TRAIP: variants seen among roughly 807,000 people sequenced by gnomAD.
TRAIP encodes the protein E3 ubiquitin-protein ligase TRAIP.
TRAIP carries 37 observed loss-of-function variants against 65.0 expected under a neutral mutation model. That is an observed-to-expected ratio of 0.57 (90% CI 0.44 to 0.75). The LOEUF (loss-of-function observed/expected upper bound fraction) is 0.75, where lower values mean the gene tolerates loss of function less well. Among genes scored for constraint, TRAIP ranks in the 30% least tolerant of loss-of-function variants. The probability of loss-of-function intolerance (pLI) is 0.00; values close to 1 mark genes in which losing one functional copy is unlikely to be tolerated. For missense variants in TRAIP, 481 were observed against 579.4 expected, an observed-to-expected ratio of 0.83 and a Z score of 1.74; for synonymous variants, 187 against 219.1, an observed-to-expected ratio of 0.85 and a Z score of 1.29.
chr3:49,854,129 C>A (rs957623477), intron 1 of TRAIP, among the ~76,000 whole-genome samples: 2 of 152,128 alleles, frequency 1.3e-5, no homozygotes, highest in Admixed American at 6.5e-5. Flanking sequence ...GAGTTTCAAA[C>A]CAGCCTGGGC....
chr3:49,856,323 C>CAA, intron 1 of TRAIP, 33 bp downstream of exon 1: 1 of 1,593,088 alleles, frequency 6.3e-7, no homozygotes, highest in East Asian at 2.2e-5. Flanking sequence ...GGTACCCGGG[C>CAA]AAACACCGGG....
At chr3:49,838,146 G>A (rs2081804593) in intron 10 of TRAIP, among the ~76,000 whole-genome samples, 1 of 152,172 alleles carries the variant, frequency 6.6e-6, no homozygotes, top group African/African-American at 2.4e-5. Flanking sequence ...GAGATTACAG[G>A]TATGAGTCAA....
Position 49,831,902 on chromosome 3 carries a change from C to T in TRAIP, c.1037+14G>A, listed in dbSNP as rs368644763. 9.7e-6 allele frequency: 15 copies of T among 1,544,244 alleles called. No homozygotes were observed. The highest frequency in any genetic ancestry group is 8.3e-5 in the African/African-American group (6 of 72,624). ...CCTACCAGCCCATGGACAGTGCCAG[C>T]GACTATCACTCACTGTGACTTCTCT... On this transcript the variant is annotated intron_variant, in intron 11 of 14. Coordinates refer to ENST00000331456, the MANE Select transcript of TRAIP (RefSeq NM_005879.3).
Position 49,856,403 on chromosome 3 carries a change from G to C in TRAIP, c.51C>G (p.Ser17=). 6.2e-7 allele frequency: 1 copy of C among 1,614,196 alleles called. No individual in the cohort carries two copies. The highest frequency in any genetic ancestry group is 8.5e-7 in the Non-Finnish European group (1 of 1,180,034). The change falls in exon 1 of 15, where the codon TCC becomes TCG. Residue 17 remains serine (S), a synonymous_variant. Coordinates refer to ENST00000331456, the MANE Select transcript of TRAIP (RefSeq NM_005879.3). ...CTICSDFFDH[S]RDVAAIHCGH... is the part of the protein sequence containing the mutation. ...CGCAGTGGATGGCGGCCACGTCGCG[G>C]GAGTGATCGAAGAAGTCGGAGCAGA...
rs189821980 is a variant in TRAIP at position 49,842,417 on chromosome 3, G to T, written c.503+36C>A. On this transcript the variant is annotated intron_variant, in intron 6 of 14. Transcript: ENST00000331456. ...ACTGTACCACTTGCAGGCCCTGGGGGCAAAGGCACAGTGCAGGACCCAGCT... is the reference window on the plus strand; with the variant it reads ...ACTGTACCACTTGCAGGCCCTGGGGTCAAAGGCACAGTGCAGGACCCAGCT... 6.2e-6 allele frequency: 10 copies of T among 1,600,754 alleles called. No homozygotes were observed. In the Admixed American group the frequency reaches 1.7e-4, roughly 27 times the overall value.
chr3:49,828,811 GAAAGA>G lies in TRAIP; in HGVS notation c.*287_*291del, dbSNP rs1055365206. 19 of 360,794 alleles carry G rather than the reference GAAAGA, an allele frequency of 5.3e-5. No homozygotes were observed. The highest frequency in any genetic ancestry group is 9.7e-5 in the Non-Finnish European group (18 of 185,936). 22.3% of individuals were successfully genotyped at this position (360,794 alleles called of 1,614,324 possible). On this transcript the variant is annotated 3_prime_UTR_variant, in exon 15 of 15. Transcript: ENST00000331456. Reference sequence around the variant, plus strand: ...CAAGTGACCGTGGTCTCCAGGCCCAGAAAGAGTCTGACCACATCTGATCATGGCTA... The same window carrying G: ...CAAGTGACCGTGGTCTCCAGGCCCAGGTCTGACCACATCTGATCATGGCTA...
intron 2 of TRAIP, 74 bp from the exon 3 acceptor site, chr3:49,847,682 G>T: frequency 2.0e-6 from 2 of 1,003,454 alleles, no homozygotes; most frequent in Non-Finnish European, 1.5e-6. Flanking sequence ...TTGTACATGG[G>T]TCTGACTACC....
rs1216358927 is a variant in TRAIP at position 49,829,769 on chromosome 3, G to A, written c.1087-3C>T. On this transcript the variant is annotated splice_polypyrimidine_tract_variant and splice_region_variant and intron_variant, in intron 12 of 14. Transcript: ENST00000331456. ...CCACCCAGTGAGAGCTGGGACTCCT[G>A]CAGGGAAGACCCCAGGGCCAGACTT... 9 of 1,613,970 alleles carry A rather than the reference G, an allele frequency of 5.6e-6. No individual in the cohort carries two copies. The highest frequency in any genetic ancestry group is 1.6e-4 in the Middle Eastern group (1 of 6,062).
rs144625778 is a variant in TRAIP at position 49,850,272 on chromosome 3, G to A, written c.99-2072C>T. Reference sequence around the variant, plus strand: ...TCCCAGCACTTTGGGAGGTCGAGGCGGGTGGATCATCAGGTCAGAAGTTTG... The same window carrying A: ...TCCCAGCACTTTGGGAGGTCGAGGCAGGTGGATCATCAGGTCAGAAGTTTG... On this transcript the variant is annotated intron_variant, in intron 1 of 14. Coordinates refer to ENST00000331456, the MANE Select transcript of TRAIP (RefSeq NM_005879.3). 5.0e-3 allele frequency among the ~76,000 whole-genome samples: 761 copies of A among 152,132 alleles called. 8 individuals are homozygous for A. The highest frequency in any genetic ancestry group is 0.017 in the African/African-American group (707 of 41,522).
chr3:49,842,217 C>T (rs973901265), intron 6 of TRAIP, among the ~76,000 whole-genome samples: 1 of 152,160 alleles, frequency 6.6e-6, no homozygotes. Context: ...GTCATCTGGC[C>T]ACAGGCAGCA....
In TRAIP at chr3:49,830,062, TGG is replaced by T; in HGVS notation, c.1042_1043del (p.Pro348AsnfsTer31). The stretch of plus-strand genomic sequence containing the variant: ...ATATCTTCTTGGGGACATCCTGAAT[TGG>T]GGAGCTACAAGAATGAGAGAGAAGG... ...EKLCLEKSHS[P>X]IQDVPKKICK... On this transcript the variant is annotated frameshift_variant, in exon 12 of 15. Coordinates refer to ENST00000331456, the MANE Select transcript of TRAIP (RefSeq NM_005879.3). LOFTEE classifies it high-confidence loss of function. 2 of 1,614,046 alleles carry T rather than the reference TGG, an allele frequency of 1.2e-6. No individual in the cohort carries two copies. Among genetic ancestry groups the T allele is most frequent in the South Asian group, 2.2e-5 (2 of 91,076 alleles).
intron 10 of TRAIP, among the ~76,000 whole-genome samples, chr3:49,838,655 G>A (rs949784938): frequency 2.0e-5 from 3 of 152,214 alleles, no homozygotes; most frequent in Non-Finnish European, 2.9e-5. Context: ...GGAGGCCCAA[G>A]TGGGCAGATT....
At chr3:49,835,955 T>A (rs931486280) in intron 10 of TRAIP, among the ~76,000 whole-genome samples, 5 of 135,480 alleles carry the variant, frequency 3.7e-5, no homozygotes, top group Admixed American at 7.2e-5. Context: ...AAAAAAAAAA[T>A]TCTTAATTTT....
intron 12 of TRAIP, 62 bp downstream of exon 12, chr3:49,829,958 T>C (rs1394436363): frequency 3.7e-6 from 6 of 1,605,108 alleles, no homozygotes; most frequent in Non-Finnish European, 4.3e-6. Context: ...GGCAAGACCG[T>C]GCCCTCCCAA....
In TRAIP at chr3:49,828,605, T is replaced by TG. The variant is rs1396429210; in HGVS notation, c.*497_*498insC. ...CTCAGAACCAGGAAGAAGAGATTGTTTTTTTTTTTTAATTTTATTTTACAT... is the reference window on the plus strand; with the variant it reads ...CTCAGAACCAGGAAGAAGAGATTGTTGTTTTTTTTTTAATTTTATTTTACAT... On this transcript the variant is annotated 3_prime_UTR_variant, in exon 15 of 15. Transcript: ENST00000331456. The TG allele has an allele frequency of 2.0e-5, 3 of 153,138 alleles. No individual in the cohort carries two copies. Among genetic ancestry groups the TG allele is most frequent in the Non-Finnish European group, 2.9e-5 (2 of 68,954 alleles). 9.5% of individuals were successfully genotyped at this position (153,138 alleles called of 1,614,324 possible).
At chr3:49,855,973 A>G (rs1360824800) in intron 1 of TRAIP, among the ~76,000 whole-genome samples, 1 of 152,248 alleles carries the variant, frequency 6.6e-6, no homozygotes, top group Non-Finnish European at 1.5e-5. Flanking sequence ...CAAGTAAGGC[A>G]CAGCAAACTC....
intron 1 of TRAIP, 112 bp downstream of exon 1, chr3:49,856,244 G>T: frequency 1.1e-6 from 1 of 901,320 alleles, no homozygotes; most frequent in Non-Finnish European, 1.7e-6. Flanking sequence ...CTAGGAGGAA[G>T]GTTCTCATCA....
chr3:49,847,475 G>A (rs369165307), intron 3 of TRAIP, 50 bp downstream of exon 3: 3 of 1,172,332 alleles, frequency 2.6e-6, no homozygotes, highest in Non-Finnish European at 3.7e-6. Context: ...AAAGAAAAGT[G>A]AACTCGCACA....
At chr3:49,838,515 T>C (rs1250158050) in intron 10 of TRAIP, among the ~76,000 whole-genome samples, 1 of 152,196 alleles carries the variant, frequency 6.6e-6, no homozygotes, top group African/African-American at 2.4e-5. Flanking sequence ...ACAGAGAAGG[T>C]CTGCCATGCA....
Sources: gnomAD v4.1 joint callset for allele counts (sites outside exome capture counted in the v4.1 genomes callset) on GRCh38, gnomAD v4.1.1 for gene constraint, MANE v1.5 for transcripts, NCBI Gene and HGNC (gene_info 2026-07-23, HGNC 2026-07-21) for gene names.